The following GGH variants were observed in gnomAD, a reference collection of about 807,000 sequenced individuals.
The protein encoded by GGH is gamma-Glu-X carboxypeptidase.
A neutral mutation model predicts 39.2 loss-of-function variants in GGH; 18 were observed. The observed-to-expected ratio is 0.46, with a 90% confidence interval of 0.32 to 0.68. GGH has a LOEUF of 0.68. Among genes scored for constraint, GGH ranks in the 30% least tolerant of loss-of-function variants. The pLI is 0.04. For synonymous variants in GGH, 147 were observed against 138.8 expected (o/e 1.06, Z -0.42); for missense variants, 367 against 384.1 (o/e 0.96, Z 0.37).
In GGH at chr8:63,035,672, T is replaced by C. The variant is rs1183313262; in HGVS notation, c.208A>G (p.Arg70Gly). The C allele has an allele frequency of 1.2e-6, 2 of 1,607,472 alleles. No individual in the cohort carries two copies. Among genetic ancestry groups the C allele is most frequent in the Non-Finnish European group, 1.7e-6 (2 of 1,178,152 alleles). ...YVKYLESAGA[R>G]VVPVRLDLTE... ...GAATCATACCTTACTGGTACAACTC[T>C]CGCACCTGCAGACTCCAAGTACTTT... Residue 70 changes from arginine to glycine, a missense_variant, in exon 2 of 9, where the codon AGA (arginine) becomes GGA (glycine). Transcript: ENST00000260118.
chr8:63,037,426 C>T (rs1024271471), intron 1 of GGH, among the ~76,000 whole-genome samples: 18 of 152,080 alleles, frequency 1.2e-4, no homozygotes, highest in Admixed American at 6.5e-5. Context: ...CCTGGGCCCA[C>T]GCATATTCAC....
chr8:63,032,436 C>G (rs571428803), intron 2 of GGH, among the ~76,000 whole-genome samples: 1 of 152,310 alleles, frequency 6.6e-6, no homozygotes, highest in South Asian at 2.1e-4. Context: ...GCAGGACATT[C>G]TCTTTTCCAC....
In GGH at chr8:63,018,296, T is replaced by C. The variant is rs556609938; in HGVS notation, c.698-666A>G. ...CCACAATTCAAAAAAAAAGTGAATA[T>C]GTGTAATAGTTACCTTCAGAAAAAT... On this transcript the variant is annotated intron_variant, in intron 7 of 8. Transcript: ENST00000260118. Among the ~76,000 whole-genome samples, 25 of 152,250 alleles carry C rather than the reference T, an allele frequency of 1.6e-4. No individual in the cohort carries two copies. The East Asian group carries it at 4.6e-3, about 28-fold the overall frequency.
chr8:63,026,410 G>A, intron 4 of GGH, 114 bp from the exon 5 acceptor site: 1 of 751,934 alleles, frequency 1.3e-6, no homozygotes, highest in Non-Finnish European at 2.2e-6. Flanking sequence ...GATTTCTGAA[G>A]AATTCTCCAG....
At chr8:63,022,088 T>G (rs1158478886) in intron 7 of GGH, among the ~76,000 whole-genome samples, 2 of 151,608 alleles carry the variant, frequency 1.3e-5, no homozygotes, top group African/African-American at 4.8e-5. Context: ...CCCTTTTTTC[T>G]TCTCTGTGTA....
chr8:63,023,615 A>C (rs1007861521), intron 7 of GGH: 6 of 198,302 alleles, frequency 3.0e-5, no homozygotes, highest in Non-Finnish European at 1.0e-5. Flanking sequence ...AAGTCTGTCA[A>C]GGTATTTAAT....
Position 63,024,114 on chromosome 8 carries a change from G to T in GGH, c.572C>A (p.Thr191Asn), listed in dbSNP as rs375630035. The change falls in exon 6 of 9, where the codon ACT (threonine) becomes AAT (asparagine). Residue 191 changes from threonine (T) to asparagine (N), a missense_variant. Coordinates refer to ENST00000260118, the MANE Select transcript of GGH (RefSeq NM_003878.3). Reference protein sequence around the residue: ...LLLSLAVEPLTANFHKWSLSV... With the variant: ...LLLSLAVEPLNANFHKWSLSV... ...GAGGCTCCACTTATGGAAATTGGCA[G>T]TCAGAGGTTCTACTGCTAATGACAG... is the stretch of plus-strand genomic sequence containing the variant. The T allele has an allele frequency of 6.2e-7, 1 of 1,610,310 alleles. No homozygotes were observed. Among genetic ancestry groups the T allele is most frequent in the Non-Finnish European group, 8.5e-7 (1 of 1,176,860 alleles).
chr8:63,030,443 A>T (rs1814553997), intron 2 of GGH, among the ~76,000 whole-genome samples: 2 of 152,214 alleles, frequency 1.3e-5, no homozygotes, highest in South Asian at 4.1e-4. Context: ...CTGTGATCTA[A>T]TGCAATTTAA....
chr8:63,023,147 CAT>C (rs1391283754), intron 7 of GGH, among the ~76,000 whole-genome samples: 4 of 152,230 alleles, frequency 2.6e-5, no homozygotes, highest in Admixed American at 1.3e-4. Flanking sequence ...CAGCCTCACA[CAT>C]GAGAGCATTA....
intron 2 of GGH, among the ~76,000 whole-genome samples, chr8:63,030,636 T>A (rs1409137802): frequency 1.3e-5 from 2 of 152,128 alleles, no homozygotes; most frequent in Non-Finnish European, 2.9e-5. Context: ...TCTGGCAGAT[T>A]AAAAAATGCA....
At chr8:63,022,385 G>T (rs2129646846) in intron 7 of GGH, among the ~76,000 whole-genome samples, 1 of 152,064 alleles carries the variant, frequency 6.6e-6, no homozygotes, top group Middle Eastern at 3.4e-3. Flanking sequence ...TTACCCTCCA[G>T]ATTCCAACCT....
At chr8:63,035,884 T>C in intron 1 of GGH, 114 bp from the exon 2 acceptor site, 4 of 986,252 alleles carry the variant, frequency 4.1e-6, no homozygotes, top group African/African-American at 1.6e-5. Flanking sequence ...CAGAATTAAA[T>C]AGGAAGTCTC....
chr8:63,016,231 G>A (rs540658179), intron 8 of GGH, among the ~76,000 whole-genome samples: 1 of 152,284 alleles, frequency 6.6e-6, no homozygotes, highest in South Asian at 2.1e-4. Context: ...GACTACTACT[G>A]CAGCAAATGC....
At chr8:63,019,741 C>T (rs1192630367) in intron 7 of GGH, among the ~76,000 whole-genome samples, 4 of 152,218 alleles carry the variant, frequency 2.6e-5, no homozygotes, top group Admixed American at 6.5e-5. Flanking sequence ...TCACCAGAGT[C>T]CTTCTCCAGC....
At chr8:63,016,577 A>G (rs1804490988) in intron 8 of GGH, among the ~76,000 whole-genome samples, 1 of 152,248 alleles carries the variant, frequency 6.6e-6, no homozygotes, top group Non-Finnish European at 1.5e-5. Flanking sequence ...TCTTCACTTA[A>G]CGTCATCGAT....
At chr8:63,027,030 G>A (rs1219689846) in intron 4 of GGH, 151 bp downstream of exon 4, 3 of 647,794 alleles carry the variant, frequency 4.6e-6, no homozygotes, top group South Asian at 3.4e-5. Context: ...AAATAGGCGG[G>A]AGCAGCCAAG....
intron 8 of GGH, 55 bp from the exon 9 acceptor site, chr8:63,015,508 A>C: frequency 1.7e-6 from 2 of 1,144,166 alleles, no homozygotes; most frequent in South Asian, 2.8e-5. Context: ...TCTTCAAGAG[A>C]CTATTTTATA....
chr8:63,022,402 T>G (rs577889255), intron 7 of GGH, among the ~76,000 whole-genome samples: 1 of 152,294 alleles, frequency 6.6e-6, no homozygotes, highest in East Asian at 1.9e-4. Context: ...ACCTTTCTTC[T>G]GACACATTTG....
chr8:63,034,981 C>T (rs985412090), intron 2 of GGH, among the ~76,000 whole-genome samples: 5 of 152,112 alleles, frequency 3.3e-5, no homozygotes, highest in Non-Finnish European at 7.4e-5. Context: ...ACCAGCCACC[C>T]GAGCAATGTA....
Sources: gnomAD v4.1 joint callset for allele counts (sites outside exome capture counted in the v4.1 genomes callset) on GRCh38, gnomAD v4.1.1 for gene constraint, MANE v1.5 for transcripts, NCBI Gene and HGNC (gene_info 2026-07-23, HGNC 2026-07-21) for gene names.